Variants in POU2F3 observed in about 807,000 individuals in gnomAD.
The protein encoded by POU2F3 is POU domain, class 2, transcription factor 3.
POU2F3 carries 23 observed loss-of-function variants against 59.2 expected under a neutral mutation model. That is an observed-to-expected ratio of 0.39 (90% confidence interval 0.28 to 0.55). The LOEUF (loss-of-function observed/expected upper bound fraction) is 0.55, where lower values mean the gene tolerates loss of function less well. POU2F3 is among the 20% of genes least tolerant of loss of function. POU2F3 has a pLI of 0.66. For missense variants in POU2F3, 473 were observed against 544.5 expected (o/e 0.87, Z 1.31); for synonymous variants, 190 against 214.6 (o/e 0.89, Z 1.00).
Position 120,272,807 on chromosome 11 carries a change from AGGCAACAGGC to A in POU2F3, c.132+3564_132+3573del, listed in dbSNP as rs879500289. On this transcript the variant is annotated intron_variant, in intron 3 of 12. Transcript: ENST00000543440. The stretch of plus-strand genomic sequence containing the variant: ...CCAGGACAGATAAGATAGACTTGAG[AGGCAACAGGC>A]TAAGGCCCTGGATAGGGACTCAGAA... Among the ~76,000 whole-genome samples the A allele has an allele frequency of 4.4e-4, 67 of 152,294 alleles. 1 individual carries two copies. Among genetic ancestry groups the A allele is most frequent in the Admixed American group, 5.9e-4 (9 of 15,282 alleles).
At chr11:120,309,633 G>A in intron 10 of POU2F3, 47 bp downstream of exon 10, 1 of 1,585,816 alleles carries the variant, frequency 6.3e-7, no homozygotes, top group Non-Finnish European at 8.6e-7. Flanking sequence ...GGAGGGACAT[G>A]ATGCTTGGAG....
intron 3 of POU2F3, among the ~76,000 whole-genome samples, chr11:120,296,284 G>A (rs530131925): frequency 6.6e-6 from 1 of 152,254 alleles, no homozygotes; most frequent in South Asian, 2.1e-4. Context: ...TTCAATTAAT[G>A]TTCTTTGGGT....
At chr11:120,236,718 T>A (rs1420574993), upstream of POU2F3, 8 of 1,478,540 alleles carry the variant, frequency 5.4e-6, no homozygotes, top group Admixed American at 3.9e-5. Flanking sequence ...GTAAAGGAGT[T>A]CTCTACGTTC....
chr11:120,288,012 A>T (rs1209764768), intron 3 of POU2F3, among the ~76,000 whole-genome samples: 5 of 151,890 alleles, frequency 3.3e-5, no homozygotes, highest in African/African-American at 1.2e-4. Flanking sequence ...AGAAGCAAGC[A>T]TACCAACAGA....
intron 7 of POU2F3, 174 bp downstream of exon 7, chr11:120,305,386 G>A (rs774806798): frequency 8.8e-5 from 80 of 911,204 alleles, no homozygotes; most frequent in South Asian, 1.3e-4. Context: ...AACTGAGGAC[G>A]TTGCTGGTGG....
At chr11:120,255,582 G>T (rs971164800) in intron 2 of POU2F3, among the ~76,000 whole-genome samples, 35 of 152,224 alleles carry the variant, frequency 2.3e-4, no homozygotes, top group Non-Finnish European at 4.0e-4. Context: ...GACAAAAGGG[G>T]TTAAGCCTGC....
At chr11:120,275,754 A>C (rs988655026) in intron 3 of POU2F3, among the ~76,000 whole-genome samples, 7 of 152,202 alleles carry the variant, frequency 4.6e-5, no homozygotes, top group African/African-American at 1.7e-4. Context: ...ACTTGGCAGC[A>C]TTCTAAGCTC....
chr11:120,238,158 T>G (rs1938546324), upstream of POU2F3, among the ~76,000 whole-genome samples: 1 of 152,126 alleles, frequency 6.6e-6, no homozygotes, highest in Non-Finnish European at 1.5e-5. Flanking sequence ...GAGAATCGCT[T>G]GAACCTGGGA....
At chr11:120,275,202 AG>A (rs1212312769) in intron 3 of POU2F3, among the ~76,000 whole-genome samples, 1 of 152,132 alleles carries the variant, frequency 6.6e-6, no homozygotes, top group Non-Finnish European at 1.5e-5. Flanking sequence ...GCTTTTGTGG[AG>A]GAAGGGGACT....
chr11:120,301,983 A>G (rs765646003), intron 5 of POU2F3: 5 of 279,376 alleles, frequency 1.8e-5, no homozygotes, highest in Non-Finnish European at 1.3e-5. Flanking sequence ...CAGATCCCAG[A>G]GTAGATCGTC....
chr11:120,292,787 T>A (rs1258391022), intron 3 of POU2F3, among the ~76,000 whole-genome samples: 1 of 152,224 alleles, frequency 6.6e-6, no homozygotes. Context: ...CTGGGCACCA[T>A]GAAGCATTAG....
chr11:120,294,446 TG>T (rs1198770342), intron 3 of POU2F3, among the ~76,000 whole-genome samples: 1 of 152,214 alleles, frequency 6.6e-6, no homozygotes, highest in African/African-American at 2.4e-5. Flanking sequence ...AGGCAGGCTG[TG>T]GGTTTGGTTG....
In POU2F3 at chr11:120,299,707, G is replaced by T; in HGVS notation, c.342G>T (p.Gln114His). Residue 114 changes from glutamine to histidine, a missense_variant, in exon 5 of 13, where the codon CAG becomes CAT. By Grantham distance (24) the Gln-to-His change is conservative. Transcript: ENST00000543440. ...LQSVSQFLLS[Q>H]TQPGQQGLQP... The stretch of plus-strand genomic sequence containing the variant: ...CTGTATCCCAGTTCCTGCTATCTCA[G>T]ACCCAGCCTGGGCAGCAAGGTAAGA... The T allele has an allele frequency of 6.2e-7, 1 of 1,613,060 alleles. No individual in the cohort carries two copies. Among genetic ancestry groups the T allele is most frequent in the Non-Finnish European group, 8.5e-7 (1 of 1,179,944 alleles).
chr11:120,301,386 G>A (rs1941343168), intron 5 of POU2F3: 1 of 227,098 alleles, frequency 4.4e-6, no homozygotes, highest in Non-Finnish European at 8.8e-6. Flanking sequence ...CCTTGTAAGA[G>A]CTTTCTTGCC....
chr11:120,245,066 C>G (rs765149902), intron 1 of POU2F3, among the ~76,000 whole-genome samples: 1 of 152,006 alleles, frequency 6.6e-6, no homozygotes, highest in African/African-American at 2.4e-5. Context: ...TTTACCTTGG[C>G]GTCTTCCCTC....
intron 2 of POU2F3, among the ~76,000 whole-genome samples, chr11:120,255,446 G>A (rs943326152): frequency 6.6e-6 from 1 of 152,134 alleles, no homozygotes; most frequent in Non-Finnish European, 1.5e-5. Context: ...TGCATAGGGC[G>A]ATGATTTCCA....
intron 3 of POU2F3, among the ~76,000 whole-genome samples, chr11:120,294,006 A>G (rs1016488261): frequency 1.3e-5 from 2 of 152,106 alleles, no homozygotes; most frequent in Non-Finnish European, 2.9e-5. Context: ...TGTGAGATGG[A>G]AGGGTGAACA....
intron 2 of POU2F3, among the ~76,000 whole-genome samples, chr11:120,255,575 A>T (rs1939305072): frequency 6.6e-6 from 1 of 152,090 alleles, no homozygotes; most frequent in Non-Finnish European, 1.5e-5. Flanking sequence ...AAGCGTGGAC[A>T]AAAGGGGTTA....
intron 1 of POU2F3, among the ~76,000 whole-genome samples, chr11:120,244,684 C>T (rs1938799158): frequency 6.6e-6 from 1 of 152,114 alleles, no homozygotes; most frequent in South Asian, 2.1e-4. Flanking sequence ...TTGAAGAATC[C>T]CCATGGTGAA....
Sources: allele counts gnomAD v4.1 joint callset (sites outside exome capture counted in the v4.1 genomes callset), GRCh38; gene constraint gnomAD v4.1.1; transcripts MANE v1.5; gene names NCBI Gene and HGNC (gene_info 2026-07-23, HGNC 2026-07-21).